The following ARRB1 variants were observed in gnomAD, a reference collection of about 807,000 sequenced individuals.
ARRB1 encodes arrestin beta 1.
In ARRB1, 21 loss-of-function variants were observed where a neutral mutation model predicts 56.8. That is an observed-to-expected ratio of 0.37 (90% confidence interval 0.26 to 0.53). The LOEUF (loss-of-function observed/expected upper bound fraction) is 0.53. ARRB1 is among the 20% of genes least tolerant of loss of function. The probability of loss-of-function intolerance (pLI) is 0.88; values close to 1 mark genes in which losing one functional copy is unlikely to be tolerated. For missense variants in ARRB1, 424 were observed against 553.7 expected (o/e 0.77, Z 2.35); for synonymous variants, 210 against 218.6 (o/e 0.96, Z 0.35).
intron 1 of ARRB1, among the ~76,000 whole-genome samples, chr11:75,344,656 C>T (rs1039046271): frequency 1.3e-5 from 2 of 152,084 alleles, no homozygotes; most frequent in South Asian, 2.1e-4. Flanking sequence ...CTAGGATGGA[C>T]GCATCCTGCA....
intron 15 of ARRB1, among the ~76,000 whole-genome samples, chr11:75,267,185 C>T (rs1032429831): frequency 6.6e-6 from 1 of 152,232 alleles, no homozygotes; most frequent in African/African-American, 2.4e-5. Flanking sequence ...GGTCCTCCCC[C>T]TCTGGCCACT....
Position 75,277,765 on chromosome 11 carries a change from G to T in ARRB1, c.619-317C>A, listed in dbSNP as rs576189415. 2.0e-5 allele frequency among the ~76,000 whole-genome samples: 3 copies of T among 152,356 alleles called. No individual in the cohort carries two copies. The South Asian group carries it at 6.2e-4, about 32-fold the overall frequency. ...ACATTAGCCTTCAGTTCCCTGGTGG[G>T]ACCCTTGAAAGATAACGGAATTGGA... On this transcript the variant is annotated intron_variant, in intron 8 of 15. Transcript: ENST00000420843.
chr11:75,348,617 A>G (rs1342670561), intron 1 of ARRB1, among the ~76,000 whole-genome samples: 1 of 150,060 alleles, frequency 6.7e-6, no homozygotes, highest in Non-Finnish European at 1.5e-5. Context: ...TTATTTTTTC[A>G]GACAGGGTCT....
At chr11:75,322,526 C>CA (rs1210067246) in intron 1 of ARRB1, among the ~76,000 whole-genome samples, 7 of 152,016 alleles carry the variant, frequency 4.6e-5, no homozygotes, top group African/African-American at 1.7e-4. Flanking sequence ...ACAACAACAA[C>CA]AAAAAACACC....
intron 1 of ARRB1, among the ~76,000 whole-genome samples, chr11:75,340,539 C>A (rs571275923): frequency 7.7e-4 from 117 of 152,372 alleles, no homozygotes; most frequent in African/African-American, 2.8e-3. Flanking sequence ...CAGCCCAGCA[C>A]TACGAGGAGA....
intron 1 of ARRB1, among the ~76,000 whole-genome samples, chr11:75,318,018 C>T (rs889193180): frequency 6.6e-6 from 1 of 151,944 alleles, no homozygotes; most frequent in African/African-American, 2.4e-5. Context: ...TCCCCTAAGG[C>T]AGTGGGTCTC....
At chr11:75,317,445 C>T (rs1166169242) in intron 1 of ARRB1, among the ~76,000 whole-genome samples, 1 of 152,200 alleles carries the variant, frequency 6.6e-6, no homozygotes, top group East Asian at 1.9e-4. Flanking sequence ...CCCCCACACC[C>T]GGTTCACAGC....
chr11:75,338,745 CTTGA>C (rs1216564337), intron 1 of ARRB1, among the ~76,000 whole-genome samples: 1 of 152,186 alleles, frequency 6.6e-6, no homozygotes, highest in African/African-American at 2.4e-5. Context: ...ATATTAATCA[CTTGA>C]TTATGATGTG....
chr11:75,323,480 C>T (rs562085137), intron 1 of ARRB1, among the ~76,000 whole-genome samples: 18 of 152,104 alleles, frequency 1.2e-4, no homozygotes, highest in African/African-American at 4.1e-4. Flanking sequence ...ATTAGCCAGG[C>T]GTGGTGGTGC....
intron 1 of ARRB1, among the ~76,000 whole-genome samples, chr11:75,302,483 A>T (rs1328638774): frequency 6.6e-6 from 1 of 152,236 alleles, no homozygotes; most frequent in Non-Finnish European, 1.5e-5. Context: ...TGGCAGCTGG[A>T]TACCAAAGAG....
At chr11:75,309,497 G>C (rs1947111433) in intron 1 of ARRB1, among the ~76,000 whole-genome samples, 1 of 152,218 alleles carries the variant, frequency 6.6e-6, no homozygotes, top group African/African-American at 2.4e-5. Context: ...TGAGGCCCTG[G>C]CACAGAGTTG....
chr11:75,314,379 C>CT (rs1947225761), intron 1 of ARRB1, among the ~76,000 whole-genome samples: 5 of 152,212 alleles, frequency 3.3e-5, no homozygotes, highest in Admixed American at 6.5e-5. Flanking sequence ...GGATGCCCCC[C>CT]CTCCAGCAGA....
chr11:75,267,449 G>A (rs1347762629), intron 15 of ARRB1, among the ~76,000 whole-genome samples: 1 of 152,204 alleles, frequency 6.6e-6, no homozygotes, highest in Non-Finnish European at 1.5e-5. Context: ...CACCAAGGCA[G>A]GAGGAAGAGG....
Position 75,274,123 on chromosome 11 carries a change from A to G in ARRB1, c.865T>C (p.Leu289=), listed in dbSNP as rs1946138346. 5 of 1,614,130 alleles carry G rather than the reference A, an allele frequency of 3.1e-6. No homozygotes were observed. In the East Asian group the frequency reaches 1.1e-4, roughly 36 times the overall value. The change falls in exon 11 of 16, where the codon TTG becomes CTG. Residue 289 remains leucine, a synonymous_variant. Transcript: ENST00000420843. ...TCTTCGTGCTTGAGCTTCCCGTCCA[A>G]GGCGAGGCCCCGCTTCTCTCGGTTA... The part of the protein sequence containing the change: ...ANNREKRGLA[L]DGKLKHEDTN...
chr11:75,287,457 C>T, intron 2 of ARRB1, 82 bp from the exon 3 acceptor site: 2 of 1,432,026 alleles, frequency 1.4e-6, no homozygotes, highest in East Asian at 2.5e-5. Context: ...ACCCTGCGGG[C>T]AGCCTCTGAA....
intron 1 of ARRB1, among the ~76,000 whole-genome samples, chr11:75,309,350 C>T (rs1043407287): frequency 3.9e-5 from 6 of 152,264 alleles, no homozygotes; most frequent in African/African-American, 1.4e-4. Context: ...AACTTGCCCC[C>T]CAGGATGGGA....
rs1945794060 is a variant in ARRB1 at position 75,261,648 on chromosome 11, G to A, written c.*4515C>T. ...GTGACGAGTTGGAGTGTGATGGGGG[G>A]AGGATGTTTCCCCTTCAACAGGGCG... On this transcript the variant is annotated 3_prime_UTR_variant, in exon 16 of 16. Transcript: ENST00000420843. 6.6e-6 allele frequency: 1 copy of A among 152,226 alleles called. No individual in the cohort carries two copies. Among genetic ancestry groups the A allele is most frequent in the South Asian group, 2.1e-4 (1 of 4,822 alleles). The allele number at this position is 152,226 out of a possible 1,614,324, so 9.4% of individuals were successfully genotyped here.
At chr11:75,311,204 C>G (rs1366966386) in intron 1 of ARRB1, among the ~76,000 whole-genome samples, 1 of 152,152 alleles carries the variant, frequency 6.6e-6, no homozygotes, top group Non-Finnish European at 1.5e-5. Flanking sequence ...GGCGTGGTGG[C>G]ACATGCCTGT....
chr11:75,272,322 C>G (rs968781156), intron 12 of ARRB1, among the ~76,000 whole-genome samples: 1 of 152,226 alleles, frequency 6.6e-6, no homozygotes, highest in African/African-American at 2.4e-5. Context: ...TTCCACCAAA[C>G]TATGCTCCAG....
Sources: gnomAD v4.1 joint callset for allele counts (sites outside exome capture counted in the v4.1 genomes callset) on GRCh38, gnomAD v4.1.1 for gene constraint, MANE v1.5 for transcripts, NCBI Gene and HGNC (gene_info 2026-07-23, HGNC 2026-07-21) for gene names.